XDH: variants seen among roughly 807,000 people sequenced by gnomAD.
XDH encodes xanthine dehydrogenase/oxidase.
A neutral mutation model predicts 156.1 loss-of-function variants in XDH; 138 were observed. The observed-to-expected ratio is 0.88, with a 90% confidence interval of 0.77 to 1.02. XDH has a LOEUF of 1.02. Ranked by LOEUF, XDH falls within the 50% of genes least tolerant of loss-of-function variation. The probability of loss-of-function intolerance (pLI) is 0.00; values close to 1 mark genes in which losing one functional copy is unlikely to be tolerated. For synonymous variants in XDH, 669 were observed against 625.7 expected (o/e 1.07, Z -1.03); for missense variants, 1,849 against 1,684.9 (o/e 1.10, Z -1.71).
chr2:31,339,541 C>G lies in XDH; in HGVS notation c.3722G>C (p.Arg1241Thr), dbSNP rs1685066418. 1 of 1,614,116 alleles carries G rather than the reference C, an allele frequency of 6.2e-7. No homozygotes were observed. The highest frequency in any genetic ancestry group is 1.1e-5 in the South Asian group (1 of 91,094). ...GGGGCAGTCGCGGAGCAGGGACACC[C>G]TGAACTCAATGGGGATGCTGCCAAA... ...PAFGSIPIEF[R>T]VSLLRDCPNK... The change falls in exon 34 of 36, where the codon AGG (arginine) becomes ACG (threonine). Residue 1241 changes from arginine to threonine, a missense_variant. Arg to Thr is a moderately conservative substitution (Grantham distance 71). Coordinates refer to ENST00000379416, the MANE Select transcript of XDH (RefSeq NM_000379.4).
rs1362820363 is a variant in XDH, at chr2:31,364,600, G to A, written c.2545-356C>T. Among the ~76,000 whole-genome samples, 3 of 152,180 alleles carry A rather than the reference G, an allele frequency of 2.0e-5. No individual in the cohort carries two copies. The East Asian group carries it at 5.8e-4, about 29-fold the overall frequency. On this transcript the variant is annotated intron_variant, in intron 23 of 35. Transcript: ENST00000379416. The stretch of plus-strand genomic sequence containing the variant: ...GGGGAAGCGCAGGGAAGAGAAACTA[G>A]GAAAGATACCGGACTGTCTCCTCAC...
chr2:31,377,029 T>C, intron 14 of XDH, 24 bp downstream of exon 14: 1 of 1,613,886 alleles, frequency 6.2e-7, no homozygotes, highest in Non-Finnish European at 8.5e-7. Flanking sequence ...TTAGCAGCAG[T>C]TTCATTGTGC....
intron 24 of XDH, among the ~76,000 whole-genome samples, chr2:31,350,772 CT>C (rs1284933508): frequency 9.2e-5 from 14 of 152,244 alleles, no homozygotes; most frequent in African/African-American, 2.4e-4. Flanking sequence ...TCACTTGCCT[CT>C]TTTTGAAAAC....
intron 8 of XDH, among the ~76,000 whole-genome samples, chr2:31,387,249 A>C (rs1418038366): frequency 6.6e-6 from 1 of 152,172 alleles, no homozygotes; most frequent in Non-Finnish European, 1.5e-5. Context: ...AACTCTGAGA[A>C]GTGTGCACTT....
At chr2:31,385,056 A>G (rs1435255475) in intron 9 of XDH, among the ~76,000 whole-genome samples, 1 of 152,166 alleles carries the variant, frequency 6.6e-6, no homozygotes, top group African/African-American at 2.4e-5. Flanking sequence ...TGGATGGCTC[A>G]TGGCAGGGAG....
At chr2:31,346,949 C>T (rs934881509) in intron 29 of XDH, 106 bp from the exon 30 acceptor site, 9 of 1,463,424 alleles carry the variant, frequency 6.1e-6, no homozygotes, top group South Asian at 1.1e-5. Flanking sequence ...AATGCTGTAC[C>T]CAGGGTGCCA....
rs1359281520 is a variant in XDH at position 31,377,214 on chromosome 2, C to T, written c.1266G>A (p.Lys422=). ...SREGEYFSAF[K]QASRREDDIA... ...TGTCATCTTCTCTCCGGGAGGCCTGCTTGAATGCTGAGAAATACTCCCCCT... is the reference window on the plus strand; with the variant it reads ...TGTCATCTTCTCTCCGGGAGGCCTGTTTGAATGCTGAGAAATACTCCCCCT... Residue 422 remains lysine (K), a synonymous_variant, in exon 14 of 36, where the codon AAG becomes AAA. Transcript: ENST00000379416. 5 of 1,614,088 alleles carry T rather than the reference C, an allele frequency of 3.1e-6. No individual in the cohort carries two copies. The highest frequency in any genetic ancestry group is 4.2e-6 in the Non-Finnish European group (5 of 1,180,022).
chr2:31,369,449 A>G (rs936333515), intron 18 of XDH, among the ~76,000 whole-genome samples: 1 of 152,216 alleles, frequency 6.6e-6, no homozygotes, highest in Non-Finnish European at 1.5e-5. Context: ...ACAACAAAAA[A>G]TTTTTGTACA....
chr2:31,372,481 G>A (rs1686102076), intron 16 of XDH, 84 bp from the exon 17 acceptor site: 3 of 1,583,172 alleles, frequency 1.9e-6, no homozygotes, highest in East Asian at 2.2e-5. Flanking sequence ...TGAGCTTCAT[G>A]CTACATGGCA....
chr2:31,337,546 C>T (rs1444230909), intron 35 of XDH, 95 bp downstream of exon 35: 3 of 1,577,024 alleles, frequency 1.9e-6, no homozygotes, highest in Non-Finnish European at 1.7e-6. Context: ...TAGGAGAGAG[C>T]CCAACACCTC....
At chr2:31,337,467 T>C (rs559136000) in intron 35 of XDH, among the ~76,000 whole-genome samples, 174 bp downstream of exon 35, 2 of 152,204 alleles carry the variant, frequency 1.3e-5, no homozygotes, top group African/African-American at 2.4e-5. Flanking sequence ...CATTATTCTC[T>C]TGCAAGTTCG....
Position 31,380,126 on chromosome 2 carries a change from C to T in XDH, c.1133-150G>A, listed in dbSNP as rs1174264024. ...TGACTGGCACAATTGGGGCCAAATC[C>T]TCTCTCTGAAATCCTTAAGCATCCT... On this transcript the variant is annotated intron_variant, in intron 12 of 35. Transcript: ENST00000379416. 3.2e-5 allele frequency: 25 copies of T among 769,998 alleles called. 1 individual carries two copies. The highest frequency in any genetic ancestry group is 5.6e-5 in the Non-Finnish European group (25 of 447,278). 47.7% of individuals were successfully genotyped at this position (769,998 alleles called of 1,614,324 possible).
intron 2 of XDH, among the ~76,000 whole-genome samples, chr2:31,403,353 G>T (rs1687112998): frequency 6.6e-6 from 1 of 152,188 alleles, no homozygotes; most frequent in Admixed American, 6.5e-5. Context: ...CATCTCCACT[G>T]CACAGAAGAG....
intron 1 of XDH, among the ~76,000 whole-genome samples, chr2:31,410,144 A>C (rs546235141): frequency 5.6e-4 from 85 of 152,358 alleles, no homozygotes; most frequent in African/African-American, 2.0e-3. Context: ...GACATACTGT[A>C]TGATTCCCCT....
intron 1 of XDH, among the ~76,000 whole-genome samples, chr2:31,412,529 G>A (rs1176931353): frequency 6.6e-6 from 1 of 152,092 alleles, no homozygotes; most frequent in Non-Finnish European, 1.5e-5. Context: ...TATACCTAAT[G>A]TAAATGACGA....
rs560251600 is a variant in XDH at position 31,338,612 on chromosome 2, A to G, written c.3775-795T>C. ...ATTAGTTGCCTTCCTTCTTCAAACTAGGATTATATGCATCAGCTAAATCAA... is the reference window on the plus strand; with the variant it reads ...ATTAGTTGCCTTCCTTCTTCAAACTGGGATTATATGCATCAGCTAAATCAA... On this transcript the variant is annotated intron_variant, in intron 34 of 35. Coordinates refer to ENST00000379416, the MANE Select transcript of XDH (RefSeq NM_000379.4). Among the ~76,000 whole-genome samples, 237 of 151,846 alleles carry G rather than the reference A, an allele frequency of 1.6e-3. 2 individuals are homozygous for G. The highest frequency in any genetic ancestry group is 5.5e-3 in the African/African-American group (229 of 41,458).
chr2:31,356,655 C>CA (rs1483068433), intron 24 of XDH, among the ~76,000 whole-genome samples: 1 of 152,200 alleles, frequency 6.6e-6, no homozygotes, highest in Admixed American at 6.5e-5. Context: ...ACCTTGATTT[C>CA]AGACTTCTGG....
chr2:31,358,752 T>G (rs1055142648), intron 24 of XDH, among the ~76,000 whole-genome samples: 1 of 152,024 alleles, frequency 6.6e-6, no homozygotes, highest in Non-Finnish European at 1.5e-5. Context: ...GGAAGAAAAC[T>G]TTCTTAATCT....
chr2:31,409,404 T>A lies in XDH; in HGVS notation c.43-3440A>T, dbSNP rs377705544. Among the ~76,000 whole-genome samples the A allele has an allele frequency of 2.0e-5, 3 of 152,300 alleles. No individual in the cohort carries two copies. The East Asian group carries it at 5.8e-4, about 29-fold the overall frequency. On this transcript the variant is annotated intron_variant, in intron 1 of 35. Transcript: ENST00000379416. ...ATATCAAAGTATCTCATGTACCCCA[T>A]AAATATGTAGATCTACTATGTACCC... is the stretch of plus-strand genomic sequence containing the variant.
Sources: gnomAD v4.1 joint callset for allele counts (sites outside exome capture counted in the v4.1 genomes callset) on GRCh38, gnomAD v4.1.1 for gene constraint, MANE v1.5 for transcripts, NCBI Gene and HGNC (gene_info 2026-07-23, HGNC 2026-07-21) for gene names.